The following MAGI1 variants were observed in gnomAD, a reference collection of about 807,000 sequenced individuals.
MAGI1 encodes membrane-associated guanylate kinase, WW and PDZ domain-containing protein 1.
MAGI1 carries 58 observed loss-of-function variants against 139.9 expected under a neutral mutation model. That is an observed-to-expected ratio of 0.41 (90% confidence interval 0.34 to 0.52). MAGI1 has a LOEUF of 0.52. MAGI1 is among the 20% of genes least tolerant of loss of function. The probability of loss-of-function intolerance (pLI) is 0.12; values close to 1 mark genes in which losing one functional copy is unlikely to be tolerated. For synonymous variants in MAGI1, 812 were observed against 737.9 expected, an observed-to-expected ratio of 1.10 and a Z score of -1.63; for missense variants, 1,874 against 1,901.6, an observed-to-expected ratio of 0.99 and a Z score of 0.27.
At chr3:65,403,000 C>T (rs1023698850) in intron 12 of MAGI1, among the ~76,000 whole-genome samples, 9 of 152,166 alleles carry the variant, frequency 5.9e-5, no homozygotes, top group African/African-American at 2.2e-4. Context: ...GATTCTGATA[C>T]AGAGAATCTG....
chr3:65,503,264 T>G (rs1023171198), intron 2 of MAGI1, among the ~76,000 whole-genome samples: 1 of 152,078 alleles, frequency 6.6e-6, no homozygotes, highest in Admixed American at 6.6e-5. Flanking sequence ...TAAACACGAA[T>G]AAAGAAGGCC....
rs1334120571 is a variant in MAGI1, at chr3:65,982,109, A to G, written c.313+55887T>C. Among the ~76,000 whole-genome samples, 2 of 152,178 alleles carry G rather than the reference A, an allele frequency of 1.3e-5. 1 individual carries two copies. Among genetic ancestry groups the G allele is most frequent in the African/African-American group, 4.8e-5 (2 of 41,444 alleles). On this transcript the variant is annotated intron_variant, in intron 1 of 22. Coordinates refer to ENST00000402939, the MANE Select transcript of MAGI1 (RefSeq NM_001033057.2). The stretch of plus-strand genomic sequence containing the variant: ...ACTTAAAATAAAACAGTGAAGGAAG[A>G]TTTTTCCTGCAGTGCCATTTTGACC...
chr3:65,730,760 A>G (rs1448536733), intron 1 of MAGI1, among the ~76,000 whole-genome samples: 1 of 152,254 alleles, frequency 6.6e-6, no homozygotes, highest in African/African-American at 2.4e-5. Context: ...ATCTACGGAT[A>G]AACAAATGAA....
intron 1 of MAGI1, among the ~76,000 whole-genome samples, chr3:65,693,036 A>T (rs2088815916): frequency 6.6e-6 from 1 of 152,010 alleles, no homozygotes; most frequent in Non-Finnish European, 1.5e-5. Flanking sequence ...GGCTCAAGTG[A>T]TCCTCCCACC....
intron 1 of MAGI1, among the ~76,000 whole-genome samples, chr3:65,897,602 T>C (rs1056655039): frequency 2.1e-5 from 3 of 142,086 alleles, no homozygotes; most frequent in Admixed American, 1.4e-4. Flanking sequence ...TGTACCCCTA[T>C]GTAACAAACC....
chr3:65,503,558 G>C (rs931820888), intron 2 of MAGI1, among the ~76,000 whole-genome samples: 2 of 152,184 alleles, frequency 1.3e-5, no homozygotes, highest in Non-Finnish European at 1.5e-5. Flanking sequence ...TCAACAGCAG[G>C]TGTGTAAAGA....
At chr3:65,974,998 A>G (rs781331165) in intron 1 of MAGI1, among the ~76,000 whole-genome samples, 1 of 152,142 alleles carries the variant, frequency 6.6e-6, no homozygotes, top group Non-Finnish European at 1.5e-5. Context: ...ACAAATTAAC[A>G]TAGTACCATA....
intron 2 of MAGI1, among the ~76,000 whole-genome samples, chr3:65,578,405 C>G (rs1027495722): frequency 6.6e-6 from 1 of 152,106 alleles, no homozygotes; most frequent in Non-Finnish European, 1.5e-5. Context: ...GCTATGAGAT[C>G]CAGTATAGAG....
chr3:65,846,471 G>A (rs1240589496), intron 1 of MAGI1, among the ~76,000 whole-genome samples: 1 of 152,154 alleles, frequency 6.6e-6, no homozygotes, highest in Non-Finnish European at 1.5e-5. Context: ...TGTAAAACAG[G>A]GGTCATGATC....
intron 1 of MAGI1, among the ~76,000 whole-genome samples, chr3:65,725,660 A>G (rs1472642617): frequency 6.6e-6 from 1 of 152,210 alleles, no homozygotes; most frequent in Admixed American, 6.5e-5. Flanking sequence ...AGTGTCACCA[A>G]GCTAACAATG....
At chr3:65,498,012 G>A (rs1156231224) in intron 2 of MAGI1, among the ~76,000 whole-genome samples, 1 of 152,036 alleles carries the variant, frequency 6.6e-6, no homozygotes, top group Non-Finnish European at 1.5e-5. Flanking sequence ...CCTGGGTCTG[G>A]GCCAACCTGA....
chr3:65,765,416 G>A (rs916260757), intron 1 of MAGI1, among the ~76,000 whole-genome samples: 1 of 152,144 alleles, frequency 6.6e-6, no homozygotes, highest in South Asian at 2.1e-4. Flanking sequence ...TGCTTATTAA[G>A]CTCCAGAGTC....
intron 1 of MAGI1, among the ~76,000 whole-genome samples, chr3:65,816,377 T>C (rs1314088557): frequency 1.3e-5 from 2 of 152,186 alleles, no homozygotes; most frequent in Non-Finnish European, 2.9e-5. Flanking sequence ...ACTAAGGAGA[T>C]GAATTTTACA....
At chr3:65,563,437 T>C (rs1480490292) in intron 2 of MAGI1, among the ~76,000 whole-genome samples, 1 of 152,086 alleles carries the variant, frequency 6.6e-6, no homozygotes, top group East Asian at 1.9e-4. Context: ...GTTGCAGAAA[T>C]GATGGAATGT....
intron 1 of MAGI1, among the ~76,000 whole-genome samples, chr3:65,713,910 C>G (rs1323529015): frequency 1.3e-5 from 2 of 152,008 alleles, no homozygotes; most frequent in African/African-American, 4.8e-5. Flanking sequence ...CACTCCAATG[C>G]TGGAAAAAGA....
intron 1 of MAGI1, among the ~76,000 whole-genome samples, chr3:65,897,418 C>T (rs9874933): frequency 0.59 from 89,414 of 150,732 alleles, 26,877 homozygotes; most frequent in South Asian, 0.71. Context: ...AATTCAACAA[C>T]GAGAACACTT....
intron 1 of MAGI1, among the ~76,000 whole-genome samples, chr3:65,849,028 TTTTTTTTTTTTTG>T (rs2059110896): frequency 8.3e-5 from 9 of 108,636 alleles, no homozygotes; most frequent in African/African-American, 1.0e-4. Flanking sequence ...TTTTTTTTTT[TTTTTTTTTTTTTG>T]AGATGGAGTT....
At chr3:65,465,909 G>C (rs1279780365) in intron 5 of MAGI1, among the ~76,000 whole-genome samples, 4 of 152,028 alleles carry the variant, frequency 2.6e-5, no homozygotes, top group African/African-American at 9.7e-5. Context: ...TTTGTTGGTT[G>C]GTTGGTTTTC....
At chr3:65,595,130 ACTC>A (rs912785042) in intron 2 of MAGI1, among the ~76,000 whole-genome samples, 1 of 151,784 alleles carries the variant, frequency 6.6e-6, no homozygotes, top group Non-Finnish European at 1.5e-5. Context: ...TTCTTTTTCC[ACTC>A]CTCTACCCCC....
Sources: gnomAD v4.1 joint callset for allele counts (sites outside exome capture counted in the v4.1 genomes callset) on GRCh38, gnomAD v4.1.1 for gene constraint, MANE v1.5 for transcripts, NCBI Gene and HGNC (gene_info 2026-07-23, HGNC 2026-07-21) for gene names.